The following PPFIA2 variants were observed in gnomAD, a reference collection of about 807,000 sequenced individuals.
The protein encoded by PPFIA2 is liprin-alpha-2.
Under a neutral mutation model 175.5 loss-of-function variants are expected in PPFIA2, and 46 were observed. The observed-to-expected ratio is 0.26, with a 90% CI of 0.21 to 0.34. The LOEUF (loss-of-function observed/expected upper bound fraction) is 0.34, where lower values mean the gene tolerates loss of function less well. Ranked by LOEUF, PPFIA2 falls within the 10% of genes least tolerant of loss-of-function variation. The pLI, the probability that PPFIA2 is intolerant of heterozygous loss-of-function variation, is 1.00. For synonymous variants in PPFIA2, 568 were observed against 511.4 expected (o/e 1.11, Z -1.49); for missense variants, 1,179 against 1,506.1 (o/e 0.78, Z 3.60).
chr12:81,531,386 A>C (rs2064536124), intron 4 of PPFIA2, among the ~76,000 whole-genome samples: 1 of 151,772 alleles, frequency 6.6e-6, no homozygotes, highest in Non-Finnish European at 1.5e-5. Flanking sequence ...GTATAAATGG[A>C]GTGTACCATG....
chr12:81,565,201 C>A (rs902077492), intron 4 of PPFIA2, among the ~76,000 whole-genome samples: 3 of 152,174 alleles, frequency 2.0e-5, no homozygotes, highest in African/African-American at 7.2e-5. Context: ...CCCTGTGCTG[C>A]CTGAGGCAAC....
intron 7 of PPFIA2, among the ~76,000 whole-genome samples, chr12:81,423,177 T>C (rs1294765582): frequency 3.9e-5 from 6 of 152,106 alleles, no homozygotes; most frequent in Admixed American, 1.3e-4. Flanking sequence ...ACAGATGAAT[T>C]CTACCAAACA....
intron 6 of PPFIA2, among the ~76,000 whole-genome samples, 189 bp downstream of exon 6, chr12:81,445,367 T>A (rs767911080): frequency 6.6e-6 from 1 of 152,096 alleles, no homozygotes; most frequent in African/African-American, 2.4e-5. Flanking sequence ...AAAAAGAAGA[T>A]GTTTATGAAT....
intron 22 of PPFIA2, among the ~76,000 whole-genome samples, chr12:81,310,498 A>G (rs1042997087): frequency 6.6e-6 from 1 of 152,128 alleles, no homozygotes; most frequent in Non-Finnish European, 1.5e-5. Flanking sequence ...TGCATCATTC[A>G]TTCATTGTTT....
intron 7 of PPFIA2, among the ~76,000 whole-genome samples, chr12:81,423,738 T>C (rs940047242): frequency 6.6e-6 from 1 of 152,120 alleles, no homozygotes; most frequent in African/African-American, 2.4e-5. Flanking sequence ...ACTGAAGTCC[T>C]AGCCATAGCA....
At chr12:81,467,673 C>T (rs1187267104) in intron 4 of PPFIA2, among the ~76,000 whole-genome samples, 1 of 152,196 alleles carries the variant, frequency 6.6e-6, no homozygotes, top group Non-Finnish European at 1.5e-5. Context: ...CATCTATTAT[C>T]ACTAACCCAG....
chr12:81,706,665 C>G (rs1441902636), intron 3 of PPFIA2, among the ~76,000 whole-genome samples: 1 of 152,082 alleles, frequency 6.6e-6, no homozygotes, highest in African/African-American at 2.4e-5. Context: ...CCCAGTTAGG[C>G]TGCTCAGGGG....
At chr12:81,535,795 TC>T (rs1303135365) in intron 4 of PPFIA2, among the ~76,000 whole-genome samples, 1 of 151,800 alleles carries the variant, frequency 6.6e-6, no homozygotes, top group Non-Finnish European at 1.5e-5. Flanking sequence ...GAATGTATTT[TC>T]TTTTATTTTT....
chr12:81,493,489 C>T (rs991630623), intron 4 of PPFIA2, among the ~76,000 whole-genome samples: 7 of 151,896 alleles, frequency 4.6e-5, no homozygotes, highest in Non-Finnish European at 7.4e-5. Context: ...AAGTTACTAA[C>T]TCTGAGAAAT....
intron 3 of PPFIA2, among the ~76,000 whole-genome samples, chr12:81,732,339 A>C (rs1043615798): frequency 1.3e-5 from 2 of 151,596 alleles, no homozygotes; most frequent in Non-Finnish European, 3.0e-5. Flanking sequence ...TACCGCATAA[A>C]AGTTTTTAAT....
intron 4 of PPFIA2, among the ~76,000 whole-genome samples, chr12:81,520,199 G>A (rs1319849354): frequency 1.3e-5 from 2 of 152,156 alleles, no homozygotes; most frequent in African/African-American, 4.8e-5. Flanking sequence ...GATCTATCAT[G>A]ATGTTGATGG....
At chr12:81,439,387 TA>T (rs1382408608) in intron 7 of PPFIA2, among the ~76,000 whole-genome samples, 24 of 151,900 alleles carry the variant, frequency 1.6e-4, no homozygotes, top group African/African-American at 5.5e-4. Context: ...ACTCTCTATA[TA>T]TACCTAATTA....
At chr12:81,722,402 A>G (rs959001198) in intron 3 of PPFIA2, among the ~76,000 whole-genome samples, 1 of 151,182 alleles carries the variant, frequency 6.6e-6, no homozygotes, top group African/African-American at 2.4e-5. Context: ...ATGATCTTAA[A>G]TGTACTTATT....
At chr12:81,304,358 A>C (rs1594374789) in intron 22 of PPFIA2, among the ~76,000 whole-genome samples, 1 of 152,314 alleles carries the variant, frequency 6.6e-6, no homozygotes, top group East Asian at 1.9e-4. Context: ...CAGCAAGCAA[A>C]GAATAAAGCC....
chr12:81,612,044 C>T (rs2060976380), intron 4 of PPFIA2, among the ~76,000 whole-genome samples: 1 of 152,048 alleles, frequency 6.6e-6, no homozygotes, highest in African/African-American at 2.4e-5. Flanking sequence ...TTCAGAGTCA[C>T]ATCTCCATCC....
intron 7 of PPFIA2, among the ~76,000 whole-genome samples, chr12:81,432,651 G>C (rs957044554): frequency 1.3e-5 from 2 of 151,688 alleles, no homozygotes; most frequent in African/African-American, 4.8e-5. Context: ...TAGAGACTGG[G>C]TTTCACCATG....
intron 26 of PPFIA2, among the ~76,000 whole-genome samples, chr12:81,281,777 T>C (rs1396935127): frequency 6.6e-6 from 1 of 152,102 alleles, no homozygotes; most frequent in Non-Finnish European, 1.5e-5. Flanking sequence ...GATAGGTTTG[T>C]TTTATTTGTA....
At chr12:81,539,687 A>C (rs2065919085) in intron 4 of PPFIA2, among the ~76,000 whole-genome samples, 1 of 151,908 alleles carries the variant, frequency 6.6e-6, no homozygotes. Context: ...ATTTTAATTA[A>C]TCTCCTTAAA....
At chr12:81,533,420 A>T (rs759899237) in intron 4 of PPFIA2, among the ~76,000 whole-genome samples, 11 of 151,546 alleles carry the variant, frequency 7.3e-5, no homozygotes, top group Non-Finnish European at 1.5e-4. Context: ...TAGGTTATTT[A>T]AAAAAGTACA....
Sources: allele counts gnomAD v4.1 joint callset (sites outside exome capture counted in the v4.1 genomes callset), GRCh38; gene constraint gnomAD v4.1.1; transcripts MANE v1.5; gene names NCBI Gene and HGNC (gene_info 2026-07-23, HGNC 2026-07-21).